The following EVA1A variants were observed in gnomAD, a reference collection of about 807,000 sequenced individuals.
EVA1A encodes protein eva-1 homolog A.
In EVA1A, 7 loss-of-function variants were observed where a neutral mutation model predicts 9.8. The observed-to-expected ratio is 0.71, with a 90% confidence interval of 0.41 to 1.34. EVA1A has a LOEUF of 1.34. Ranked by LOEUF, EVA1A falls within the 40% of genes most tolerant of loss-of-function variation. EVA1A has a pLI of 0.01. For synonymous variants in EVA1A, 90 were observed against 85.6 expected (o/e 1.05, Z -0.28); for missense variants, 206 against 205.9 (o/e 1.00, Z 0.00).
intron 3 of EVA1A, among the ~76,000 whole-genome samples, chr2:75,517,648 C>T (rs548936030): frequency 3.4e-4 from 51 of 152,182 alleles, no homozygotes; most frequent in African/African-American, 1.2e-3. Flanking sequence ...AACATATAAA[C>T]ATATACTCTC....
At chr2:75,555,310 T>C (rs7419576) in intron 1 of EVA1A, among the ~76,000 whole-genome samples, 209 of 103,586 alleles carry the variant, frequency 2.0e-3, no homozygotes, top group East Asian at 0.013. Flanking sequence ...AATCTCTCTC[T>C]CTCTCTCTCT....
chr2:75,556,298 G>T (rs1676710439), intron 1 of EVA1A, among the ~76,000 whole-genome samples: 1 of 152,144 alleles, frequency 6.6e-6, no homozygotes, highest in African/African-American at 2.4e-5. Context: ...TATCTCCCTA[G>T]AACTAGAGAC....
chr2:75,532,223 A>C (rs1159605676), intron 1 of EVA1A, among the ~76,000 whole-genome samples: 1 of 150,944 alleles, frequency 6.6e-6, no homozygotes, highest in Non-Finnish European at 1.5e-5. Flanking sequence ...ACTGTTCCCC[A>C]AAAACGATTG....
chr2:75,533,890 C>A (rs1475326867), intron 1 of EVA1A, among the ~76,000 whole-genome samples: 1 of 152,022 alleles, frequency 6.6e-6, no homozygotes, highest in East Asian at 1.9e-4. Context: ...TGGCTCACTG[C>A]AAGCTCCGCC....
In EVA1A at chr2:75,504,565, G is replaced by T. The variant is rs1379583218; in HGVS notation, c.86-10956C>A. ...CCATCTCTGACTTGTTCTTCTCCAG[G>T]AAGGAGTATTGAGAAATCTCTGTTC... On this transcript the variant is annotated intron_variant, in intron 3 of 3. Transcript: ENST00000393913. Among the ~76,000 whole-genome samples the T allele has an allele frequency of 1.3e-5, 2 of 152,180 alleles. 1 individual carries two copies. The highest frequency in any genetic ancestry group is 2.9e-5 in the Non-Finnish European group (2 of 68,038).
chr2:75,525,281 T>G (rs575500327), intron 1 of EVA1A, among the ~76,000 whole-genome samples: 4 of 152,228 alleles, frequency 2.6e-5, no homozygotes, highest in African/African-American at 4.8e-5. Context: ...TTCCCCCACC[T>G]TTAAGCAATC....
chr2:75,518,349 T>G (rs1396581019), intron 2 of EVA1A, 141 bp from the exon 3 acceptor site: 2 of 933,152 alleles, frequency 2.1e-6, no homozygotes, highest in East Asian at 5.8e-5. Flanking sequence ...CTACAGACCC[T>G]CTCTGGCCAG....
intron 3 of EVA1A, among the ~76,000 whole-genome samples, chr2:75,510,611 T>C (rs968721344): frequency 6.6e-6 from 1 of 152,178 alleles, no homozygotes; most frequent in Non-Finnish European, 1.5e-5. Context: ...CAGTTACACA[T>C]TCAATGAATA....
intron 1 of EVA1A, among the ~76,000 whole-genome samples, chr2:75,552,356 C>T (rs765729057): frequency 5.9e-5 from 9 of 152,136 alleles, no homozygotes; most frequent in Admixed American, 2.6e-4. Context: ...GCTCCCTCCT[C>T]CCTGTCCCTT....
In EVA1A at chr2:75,492,355, C is replaced by T. The variant is rs535170504; in HGVS notation, c.*881G>A. The T allele has an allele frequency of 3.6e-4, 54 of 148,448 alleles. No homozygotes were observed. Among genetic ancestry groups the T allele is most frequent in the Non-Finnish European group, 4.7e-4 (32 of 67,598 alleles). 9.2% of individuals were successfully genotyped at this position (148,448 alleles called of 1,614,324 possible). On this transcript the variant is annotated 3_prime_UTR_variant, in exon 4 of 4. Coordinates refer to ENST00000393913, the MANE Select transcript of EVA1A (RefSeq NM_001135032.2). ...AATGTTTATTTTTTTAATTCCCATCCTAACTTTGGCTTTAATCCTTACCTC... is the reference window on the plus strand; with the variant it reads ...AATGTTTATTTTTTTAATTCCCATCTTAACTTTGGCTTTAATCCTTACCTC...
intron 2 of EVA1A, among the ~76,000 whole-genome samples, chr2:75,520,863 A>G (rs1228345431): frequency 6.6e-6 from 1 of 152,216 alleles, no homozygotes; most frequent in Non-Finnish European, 1.5e-5. Context: ...ATGAAAATTA[A>G]AAACTTCTGT....
In EVA1A at chr2:75,548,983, AAT is replaced by A. The variant is rs71403226; in HGVS notation, c.-192+11695_-192+11696del. On this transcript the variant is annotated intron_variant, in intron 1 of 3. Coordinates refer to ENST00000393913, the MANE Select transcript of EVA1A (RefSeq NM_001135032.2). Reference sequence around the variant, plus strand: ...TGAACTGATGACTGGCTAAATGAAAAATATATATATATATATATATATATATT... The same window carrying A: ...TGAACTGATGACTGGCTAAATGAAAAATATATATATATATATATATATATT... Among the ~76,000 whole-genome samples, 666 of 133,646 alleles carry A rather than the reference AAT, an allele frequency of 5.0e-3. 5 individuals carry two copies. Among genetic ancestry groups the A allele is most frequent in the Middle Eastern group, 0.027 (7 of 258 alleles). 87.7% of individuals were successfully genotyped at this position (133,646 alleles called of 152,430 possible).
At chr2:75,507,578 C>T (rs561292984) in intron 3 of EVA1A, among the ~76,000 whole-genome samples, 1 of 152,278 alleles carries the variant, frequency 6.6e-6, no homozygotes, top group East Asian at 1.9e-4. Flanking sequence ...TACAAAGAGG[C>T]AACCTACTGA....
At chr2:75,525,761 A>C (rs565240581) in intron 1 of EVA1A, among the ~76,000 whole-genome samples, 2 of 152,236 alleles carry the variant, frequency 1.3e-5, no homozygotes, top group Non-Finnish European at 2.9e-5. Context: ...TGAACATAAA[A>C]GGACCAGGGT....
At chr2:75,517,990 C>G in intron 3 of EVA1A, 66 bp downstream of exon 3, 5 of 1,592,560 alleles carry the variant, frequency 3.1e-6, no homozygotes, top group Non-Finnish European at 3.4e-6. Flanking sequence ...GAGATGGCCA[C>G]CCAGGAGACA....
rs113845349 is a variant in EVA1A, at chr2:75,540,196, C to G, written c.-191-17709G>C. On this transcript the variant is annotated intron_variant, in intron 1 of 3. Transcript: ENST00000393913. ...AAGATAGACACACCTAGGTGTGGCA[C>G]ACTCACAGGGTGTTTGTGAGGATGC... Among the ~76,000 whole-genome samples, 973 of 152,334 alleles carry G rather than the reference C, an allele frequency of 6.4e-3. 6 individuals carry two copies. The highest frequency in any genetic ancestry group is 0.022 in the African/African-American group (916 of 41,568).
chr2:75,500,486 C>A (rs1674375348), intron 3 of EVA1A, among the ~76,000 whole-genome samples: 1 of 151,938 alleles, frequency 6.6e-6, no homozygotes, highest in Non-Finnish European at 1.5e-5. Flanking sequence ...CTCCTTCTGG[C>A]AATAAGTGAT....
chr2:75,545,915 A>G (rs1031926525), intron 1 of EVA1A, among the ~76,000 whole-genome samples: 1 of 152,114 alleles, frequency 6.6e-6, no homozygotes, highest in East Asian at 1.9e-4. Context: ...GTAGGAGTTA[A>G]TCAAGCAGAT....
intron 1 of EVA1A, among the ~76,000 whole-genome samples, chr2:75,537,386 C>T (rs1366069569): frequency 6.6e-6 from 1 of 152,180 alleles, no homozygotes; most frequent in African/African-American, 2.4e-5. Context: ...TCAATGTTTA[C>T]TCTTTAAGAT....
Sources: gnomAD v4.1 joint callset for allele counts (sites outside exome capture counted in the v4.1 genomes callset) on GRCh38, gnomAD v4.1.1 for gene constraint, MANE v1.5 for transcripts, NCBI Gene and HGNC (gene_info 2026-07-23, HGNC 2026-07-21) for gene names.